Variants in MYT1L observed in about 807,000 individuals in gnomAD.
MYT1L encodes the protein myelin transcription factor 1 like.
A neutral mutation model predicts 126.7 loss-of-function variants in MYT1L; 12 were observed. The observed-to-expected ratio is 0.09, with a 90% CI of 0.06 to 0.15. The LOEUF is 0.15. Among genes scored for constraint, MYT1L ranks in the 10% least tolerant of loss-of-function variants. The probability of loss-of-function intolerance (pLI) is 1.00; values close to 1 mark genes in which losing one functional copy is unlikely to be tolerated. For synonymous variants in MYT1L, 541 were observed against 604.2 expected (o/e 0.90, Z 1.53); for missense variants, 979 against 1,585.2 (o/e 0.62, Z 6.49).
intron 3 of MYT1L, among the ~76,000 whole-genome samples, chr2:2,076,063 C>T (rs2075188760): frequency 6.6e-6 from 1 of 152,174 alleles, no homozygotes; most frequent in South Asian, 2.1e-4. Flanking sequence ...GACTTACCTT[C>T]AGGGAATCAT....
Position 1,943,514 on chromosome 2 carries a change from T to A in MYT1L, c.153-180A>T, listed in dbSNP as rs969965603. Among the ~76,000 whole-genome samples the A allele has an allele frequency of 2.0e-5, 3 of 152,156 alleles. No individual in the cohort carries two copies. The highest frequency in any genetic ancestry group is 1.3e-4 in the Admixed American group (2 of 15,278). ...GTTCCCCGAAGTGTGCTGAAATCTG[T>A]TAATGAAGTGATAGTGCAAATAAAT... On this transcript the variant is annotated intron_variant, in intron 8 of 24. Coordinates refer to ENST00000647738, the MANE Select transcript of MYT1L (RefSeq NM_001303052.2). The surrounding 1 kb of genome is among the most constrained non-coding windows in gnomAD (Gnocchi z 4.4).
At chr2:1,833,086 G>A (rs73913426) in intron 21 of MYT1L, among the ~76,000 whole-genome samples, 6,616 of 152,198 alleles carry the variant, frequency 0.043, 469 homozygotes, top group African/African-American at 0.15. Context: ...AGCTCTCCTC[G>A]GGCACAGACC....
At chr2:2,218,225 A>C (rs567812873) in intron 2 of MYT1L, among the ~76,000 whole-genome samples, 1 of 152,328 alleles carries the variant, frequency 6.6e-6, no homozygotes, top group Non-Finnish European at 1.5e-5. Flanking sequence ...ATTTACCCCA[A>C]AGAAATGAGA....
intron 2 of MYT1L, among the ~76,000 whole-genome samples, chr2:2,278,795 T>C (rs1274587482): frequency 3.3e-5 from 5 of 152,212 alleles, no homozygotes; most frequent in Non-Finnish European, 5.9e-5. Context: ...TATTTCTTCT[T>C]ATGGGAAACA....
intron 8 of MYT1L, among the ~76,000 whole-genome samples, chr2:1,950,594 C>A (rs2057659386): frequency 1.3e-5 from 2 of 151,806 alleles, no homozygotes; most frequent in South Asian, 4.2e-4. Context: ...TCACAGGGGA[C>A]CAAGATGGAT....
chr2:2,018,198 A>C (rs1039436605), intron 4 of MYT1L, among the ~76,000 whole-genome samples: 1 of 152,198 alleles, frequency 6.6e-6, no homozygotes, highest in Non-Finnish European at 1.5e-5. Flanking sequence ...TCCTCACTTA[A>C]TAATATTCTA....
intron 2 of MYT1L, among the ~76,000 whole-genome samples, chr2:2,235,151 C>T (rs1057108060): frequency 6.6e-6 from 1 of 151,956 alleles, no homozygotes; most frequent in Non-Finnish European, 1.5e-5. Context: ...GTTAGCATCT[C>T]CCTCACATCC....
intron 3 of MYT1L, among the ~76,000 whole-genome samples, chr2:2,097,073 C>T (rs1248960963): frequency 2.6e-5 from 4 of 152,176 alleles, no homozygotes; most frequent in Non-Finnish European, 5.9e-5. Context: ...CCACAGGGAG[C>T]ACCATCTCCC....
At chr2:1,978,325 G>A (rs1226165034) in intron 8 of MYT1L, among the ~76,000 whole-genome samples, 1 of 152,166 alleles carries the variant, frequency 6.6e-6, no homozygotes, top group Non-Finnish European at 1.5e-5. Flanking sequence ...CTTGGTCTTT[G>A]CAATCTAATT....
At chr2:2,096,835 G>A (rs774130729) in intron 3 of MYT1L, among the ~76,000 whole-genome samples, 35 of 152,174 alleles carry the variant, frequency 2.3e-4, no homozygotes, top group Admixed American at 2.6e-4. Flanking sequence ...AGTCTGCCGT[G>A]TCCATTTCTT....
intron 23 of MYT1L, among the ~76,000 whole-genome samples, chr2:1,798,330 T>G (rs1207601762): frequency 6.6e-6 from 1 of 152,202 alleles, no homozygotes; most frequent in Admixed American, 6.5e-5. Flanking sequence ...AGTTTCCTTT[T>G]TCCTTCTCTT....
rs1034015593 is a variant in MYT1L at position 2,059,344 on chromosome 2, C to T, written c.-303-5221G>A. On this transcript the variant is annotated intron_variant, in intron 3 of 24. Transcript: ENST00000647738. This position sits in a 1 kb window ranked among gnomAD's most constrained non-coding sequence, Gnocchi z 4.7. ...CCATCTTGTCCCATGCAACACAAAACATGCAGGGCACCGCAGTAAGCACCC... is the reference window on the plus strand; with the variant it reads ...CCATCTTGTCCCATGCAACACAAAATATGCAGGGCACCGCAGTAAGCACCC... 1.3e-5 allele frequency among the ~76,000 whole-genome samples: 2 copies of T among 148,926 alleles called. No homozygotes were observed. The highest frequency in any genetic ancestry group is 2.9e-5 in the Non-Finnish European group (2 of 68,020).
intron 3 of MYT1L, among the ~76,000 whole-genome samples, chr2:2,079,679 C>T (rs1338293567): frequency 5.3e-5 from 8 of 151,996 alleles, no homozygotes; most frequent in African/African-American, 1.2e-4. Context: ...TGGTGGTGGG[C>T]GCCTGTAGTC....
chr2:1,916,935 A>G (rs1001512243), intron 11 of MYT1L, among the ~76,000 whole-genome samples: 4 of 152,216 alleles, frequency 2.6e-5, no homozygotes, highest in Non-Finnish European at 5.9e-5. Flanking sequence ...AAGGTCACAG[A>G]GCAGGTCAGA....
chr2:2,048,765 G>A (rs1473817785), intron 4 of MYT1L, among the ~76,000 whole-genome samples: 2 of 152,160 alleles, frequency 1.3e-5, no homozygotes, highest in Admixed American at 1.3e-4. Flanking sequence ...GCTTCCATCA[G>A]GGTGTCGCCT....
chr2:2,156,135 T>C (rs942866605), intron 3 of MYT1L, among the ~76,000 whole-genome samples: 2 of 152,248 alleles, frequency 1.3e-5, no homozygotes, highest in African/African-American at 4.8e-5. Flanking sequence ...GTAAAATATA[T>C]ATTAAAACCT....
chr2:2,104,131 T>G (rs895005262), intron 3 of MYT1L, among the ~76,000 whole-genome samples: 4 of 152,220 alleles, frequency 2.6e-5, no homozygotes, highest in Non-Finnish European at 5.9e-5. Context: ...TTTGTGCCAT[T>G]CAAGTTACAT....
At chr2:1,853,724 G>T (rs1466054928) in intron 18 of MYT1L, among the ~76,000 whole-genome samples, 1 of 152,144 alleles carries the variant, frequency 6.6e-6, no homozygotes, top group African/African-American at 2.4e-5. Context: ...AGTACATAGT[G>T]CATGTTTATT....
At chr2:2,093,634 G>C (rs1166544699) in intron 3 of MYT1L, among the ~76,000 whole-genome samples, 1 of 152,050 alleles carries the variant, frequency 6.6e-6, no homozygotes, top group Non-Finnish European at 1.5e-5. Context: ...CTCCCATTCT[G>C]TAGGTTGCCT....
Sources: allele counts gnomAD v4.1 joint callset (sites outside exome capture counted in the v4.1 genomes callset), GRCh38; gene constraint gnomAD v4.1.1; non-coding constraint Gnocchi (gnomAD v3.1); transcripts MANE v1.5; gene names NCBI Gene and HGNC (gene_info 2026-07-23, HGNC 2026-07-21).